The following SRP68 variants were observed in gnomAD, a reference collection of about 807,000 sequenced individuals.
SRP68 encodes the protein signal recognition particle 68.
Under a neutral mutation model 82.2 loss-of-function variants are expected in SRP68, and 15 were observed. That is an observed-to-expected ratio of 0.18 (90% CI 0.12 to 0.28). The LOEUF (loss-of-function observed/expected upper bound fraction) is 0.28, where lower values mean the gene tolerates loss of function less well. Among genes scored for constraint, SRP68 ranks in the 10% least tolerant of loss-of-function variants. The probability of loss-of-function intolerance (pLI) is 1.00; values close to 1 mark genes in which losing one functional copy is unlikely to be tolerated. For synonymous variants in SRP68, 261 were observed against 292.6 expected (o/e 0.89, Z 1.10); for missense variants, 595 against 780.5 (o/e 0.76, Z 2.83).
At chr17:76,068,982 ATTAGT>A (rs2066827738) in intron 2 of SRP68, among the ~76,000 whole-genome samples, 1 of 148,662 alleles carries the variant, frequency 6.7e-6, no homozygotes. Flanking sequence ...TTTTGACTAA[ATTAGT>A]TTAAAATATA....
intron 4 of SRP68, among the ~76,000 whole-genome samples, chr17:76,063,311 A>G (rs1282195544): frequency 6.6e-6 from 1 of 152,194 alleles, no homozygotes; most frequent in Non-Finnish European, 1.5e-5. Flanking sequence ...CACTTCCAAA[A>G]AAAAGTTTAC....
chr17:76,067,579 T>C (rs2066816902), intron 2 of SRP68, among the ~76,000 whole-genome samples: 1 of 152,114 alleles, frequency 6.6e-6, no homozygotes, highest in Non-Finnish European at 1.5e-5. Flanking sequence ...TCCTCCCACC[T>C]CAGCCTCCTG....
At chr17:76,070,666 C>A (rs2066844330) in intron 1 of SRP68, among the ~76,000 whole-genome samples, 4 of 152,078 alleles carry the variant, frequency 2.6e-5, no homozygotes, top group Admixed American at 2.6e-4. Context: ...CATGGTGAAA[C>A]CCCGTCTCTA....
chr17:76,054,610 G>A (rs1449714891), intron 8 of SRP68, among the ~76,000 whole-genome samples: 1 of 152,176 alleles, frequency 6.6e-6, no homozygotes, highest in Non-Finnish European at 1.5e-5. Context: ...CCAGCACTTT[G>A]GGAGGCCGAG....
intron 10 of SRP68, 94 bp from the exon 11 acceptor site, chr17:76,046,288 AG>A: frequency 5.8e-6 from 5 of 867,364 alleles, no homozygotes; most frequent in Non-Finnish European, 8.7e-6. Context: ...CAGAGGAAGC[AG>A]GGGGCGGGTG....
At chr17:76,062,820 G>C (rs2066777541) in intron 4 of SRP68, among the ~76,000 whole-genome samples, 1 of 128,258 alleles carries the variant, frequency 7.8e-6, no homozygotes, top group East Asian at 2.1e-4. Context: ...CCCCAGGCTG[G>C]AGCGCAGTGG....
chr17:76,062,856 C>T (rs1057121477), intron 4 of SRP68, among the ~76,000 whole-genome samples: 29 of 141,976 alleles, frequency 2.0e-4, no homozygotes, highest in African/African-American at 6.7e-4. Flanking sequence ...CTGCAAGCTC[C>T]GCCTCCCGGG....
Position 76,064,039 on chromosome 17 carries a change from T to C in SRP68, c.498A>G (p.Ala166=), listed in dbSNP as rs913914811. ...LSRLRKAVKH[A]EELERLCESN... Reference sequence around the variant, plus strand: ...TCTCACACAAGCGTTCCAATTCCTCTGCATGCTTCACGGCTTTGCGTAGGC... The same window carrying C: ...TCTCACACAAGCGTTCCAATTCCTCCGCATGCTTCACGGCTTTGCGTAGGC... Residue 166 remains alanine, a synonymous_variant, in exon 4 of 16, where the codon GCA becomes GCG. Transcript: ENST00000307877. The C allele has an allele frequency of 6.2e-7, 1 of 1,614,144 alleles. No homozygotes were observed. Among genetic ancestry groups the C allele is most frequent in the Non-Finnish European group, 8.5e-7 (1 of 1,180,054 alleles).
Position 76,039,681 on chromosome 17 carries a change from C to T in SRP68, c.*25G>A. The T allele has an allele frequency of 6.3e-7, 1 of 1,597,848 alleles. No homozygotes were observed. The highest frequency in any genetic ancestry group is 8.6e-7 in the Non-Finnish European group (1 of 1,165,858). ...CAATACAGATTAAGAGTCAGAATCT[C>T]CCCCGCCCCCGAGGAAGAGCCTGGT... On this transcript the variant is annotated 3_prime_UTR_variant, in exon 16 of 16. Transcript: ENST00000307877.
chr17:76,059,789 CAAAAAAAAAA>C (rs35942880), intron 7 of SRP68, among the ~76,000 whole-genome samples: 1 of 87,942 alleles, frequency 1.1e-5, no homozygotes, highest in Admixed American at 1.3e-4. Flanking sequence ...AAGACTGTCT[CAAAAAAAAAA>C]AAAAAAAAAG....
At chr17:76,068,910 A>G (rs2144532296) in intron 2 of SRP68, among the ~76,000 whole-genome samples, 1 of 152,114 alleles carries the variant, frequency 6.6e-6, no homozygotes, top group African/African-American at 2.4e-5. Context: ...CTAGGATTTC[A>G]TTTTTAAATT....
chr17:76,045,278 C>T lies in SRP68; in HGVS notation c.1394+14G>A, dbSNP rs201042362. Reference sequence around the variant, plus strand: ...GGGAGGCGGAGGAAAACTGCCCATCCCATGGGACGTTACCTGTAAGCTTTG... The same window carrying T: ...GGGAGGCGGAGGAAAACTGCCCATCTCATGGGACGTTACCTGTAAGCTTTG... On this transcript the variant is annotated intron_variant, in intron 12 of 15. Transcript: ENST00000307877. 3.1e-6 allele frequency: 5 copies of T among 1,608,180 alleles called. No homozygotes were observed. The East Asian group carries it at 1.1e-4, about 36-fold the overall frequency.
At chr17:76,052,065 G>A (rs1484582851) in intron 8 of SRP68, among the ~76,000 whole-genome samples, 1 of 152,094 alleles carries the variant, frequency 6.6e-6, no homozygotes, top group Non-Finnish European at 1.5e-5. Flanking sequence ...CCGCCACCAC[G>A]CCTGGCTATT....
rs1167784967 is a variant in SRP68 at position 76,071,825 on chromosome 17, C to T, written c.184+483G>A. The T allele has an allele frequency of 5.7e-6, 1 of 175,668 alleles. No individual in the cohort carries two copies. The highest frequency in any genetic ancestry group is 1.2e-5 in the Non-Finnish European group (1 of 84,678). 10.9% of individuals were successfully genotyped at this position (175,668 alleles called of 1,614,324 possible). ...AATCGATATTAACTACGGTAACTTA[C>T]AATCAAAATGGGCAACAAGCTTTTC... On this transcript the variant is annotated intron_variant, in intron 1 of 15. Transcript: ENST00000307877. This position sits in a 1 kb window ranked among gnomAD's most constrained non-coding sequence, Gnocchi z 4.7.
At chr17:76,046,465 G>GAAAA (rs745410222) in intron 10 of SRP68, among the ~76,000 whole-genome samples, 6 of 71,276 alleles carry the variant, frequency 8.4e-5, no homozygotes, top group Admixed American at 3.1e-4. Flanking sequence ...CCACACAGTG[G>GAAAA]AAAAAAAAAA....
At chr17:76,062,130 C>T (rs1257109962) in intron 4 of SRP68, among the ~76,000 whole-genome samples, 2 of 151,522 alleles carry the variant, frequency 1.3e-5, no homozygotes, top group South Asian at 2.1e-4. Context: ...ACTAAAAATA[C>T]AAAAAAATTA....
rs749412951 is a variant in SRP68 at position 76,043,923 on chromosome 17, T to C, written c.1430A>G (p.Lys477Arg). 1 of 1,611,218 alleles carries C rather than the reference T, an allele frequency of 6.2e-7. No individual in the cohort carries two copies. The highest frequency in any genetic ancestry group is 1.1e-5 in the South Asian group (1 of 90,586). ...CAGGACAAGGGCTTCGCTCCACTTC[T>C]TCACCAGCACATAGGACTGAGCAAT... The part of the protein sequence containing the change: ...FFIAQSYVLV[K>R]KWSEALVLYD... Residue 477 changes from lysine to arginine, a missense_variant, in exon 13 of 16, where the codon AAG becomes AGG. Around this residue, in one of 2 missense-constraint regions of SRP68, gnomAD observed 495 missense variants for 688.6 expected, o/e 0.72. Coordinates refer to ENST00000307877, the MANE Select transcript of SRP68 (RefSeq NM_014230.4).
intron 8 of SRP68, among the ~76,000 whole-genome samples, chr17:76,055,200 C>T (rs2066704170): frequency 6.6e-6 from 1 of 151,960 alleles, no homozygotes; most frequent in Admixed American, 6.6e-5. Context: ...CTCCTGATCT[C>T]AGGTAATCCG....
intron 12 of SRP68, 55 bp downstream of exon 12, chr17:76,045,237 A>C (rs1366752270): frequency 7.1e-7 from 1 of 1,406,418 alleles, no homozygotes; most frequent in East Asian, 2.3e-5. Flanking sequence ...TCATGCTCCC[A>C]ATGCTTATAG....
Sources: allele counts gnomAD v4.1 joint callset (sites outside exome capture counted in the v4.1 genomes callset), GRCh38; gene constraint gnomAD v4.1.1; regional missense constraint gnomAD v4.1.1; non-coding constraint Gnocchi (gnomAD v3.1); transcripts MANE v1.5; gene names NCBI Gene and HGNC (gene_info 2026-07-23, HGNC 2026-07-21).